Variants in TBC1D5 observed in about 807,000 individuals in gnomAD.
The protein encoded by TBC1D5 is TBC1 domain family, member 5.
In TBC1D5, 75 loss-of-function variants were observed where a neutral mutation model predicts 100.3. That is an observed-to-expected ratio of 0.75 (90% CI 0.62 to 0.91). The LOEUF (loss-of-function observed/expected upper bound fraction) is 0.91, where lower values mean the gene tolerates loss of function less well. TBC1D5 is among the 40% of genes least tolerant of loss of function. The probability of loss-of-function intolerance (pLI) is 0.00; values close to 1 mark genes in which losing one functional copy is unlikely to be tolerated. For missense variants in TBC1D5, 910 were observed against 942.4 expected, an observed-to-expected ratio of 0.97 and a Z score of 0.45; for synonymous variants, 323 against 325.6, an observed-to-expected ratio of 0.99 and a Z score of 0.09.
chr3:17,329,861 T>C (rs2086659266), intron 13 of TBC1D5, among the ~76,000 whole-genome samples: 2 of 152,196 alleles, frequency 1.3e-5, no homozygotes, highest in Non-Finnish European at 2.9e-5. Context: ...ACCTTGCCAA[T>C]ATCCAATCTT....
intron 18 of TBC1D5, among the ~76,000 whole-genome samples, chr3:17,211,612 C>A (rs1422905142): frequency 2.0e-5 from 3 of 152,192 alleles, no homozygotes; most frequent in African/African-American, 7.2e-5. Flanking sequence ...GAGAATTTTA[C>A]AATGTAAGTC....
chr3:17,500,212 A>G (rs929798889), intron 3 of TBC1D5, among the ~76,000 whole-genome samples: 2 of 149,594 alleles, frequency 1.3e-5, no homozygotes, highest in Non-Finnish European at 2.9e-5. Flanking sequence ...TCAATGGAAG[A>G]TTTTGAATAA....
At chr3:17,384,779 A>G (rs1484726078) in intron 8 of TBC1D5, among the ~76,000 whole-genome samples, 1 of 152,096 alleles carries the variant, frequency 6.6e-6, no homozygotes, top group African/African-American at 2.4e-5. Context: ...ATCAGAAGGA[A>G]AAGACAATTC....
At chr3:17,381,675 A>C (rs1172424282) in intron 9 of TBC1D5, among the ~76,000 whole-genome samples, 5 of 152,028 alleles carry the variant, frequency 3.3e-5, no homozygotes, top group African/African-American at 1.2e-4. Context: ...TTTTTCCCCC[A>C]GTCTCCTTTT....
intron 1 of TBC1D5, among the ~76,000 whole-genome samples, chr3:17,736,899 G>C (rs2077003598): frequency 6.6e-6 from 1 of 152,120 alleles, no homozygotes; most frequent in African/African-American, 2.4e-5. Context: ...TATAGTCCCA[G>C]CCACTCAGGA....
chr3:17,503,130 G>C (rs1285470518), intron 3 of TBC1D5, among the ~76,000 whole-genome samples: 1 of 149,638 alleles, frequency 6.7e-6, no homozygotes, highest in East Asian at 1.9e-4. Context: ...CTTCATATAA[G>C]GGAGCTTCAT....
rs1426558079 is a variant in TBC1D5, at chr3:17,692,222, G to A, written c.-101+47121C>T. ...GCCTCCTGCCTCAGCCTCCCAAGAC[G>A]GTGGGTTTACAAGCATCTGCCACCA... On this transcript the variant is annotated intron_variant, in intron 1 of 21. Coordinates refer to ENST00000253692, the Ensembl canonical transcript of TBC1D5. 2.6e-5 allele frequency among the ~76,000 whole-genome samples: 4 copies of A among 152,182 alleles called. No homozygotes were observed. The Middle Eastern group carries it at 0.01, about 388-fold the overall frequency.
chr3:17,684,878 C>T (rs2153817020), intron 1 of TBC1D5, among the ~76,000 whole-genome samples: 1 of 152,022 alleles, frequency 6.6e-6, no homozygotes, highest in South Asian at 2.1e-4. Flanking sequence ...CGTCAAGAAT[C>T]CAAATCTGAG....
chr3:17,647,794 A>G (rs1460395914), intron 1 of TBC1D5, among the ~76,000 whole-genome samples: 1 of 152,182 alleles, frequency 6.6e-6, no homozygotes, highest in South Asian at 2.1e-4. Context: ...AATCATTACA[A>G]AAGAATGACT....
intron 3 of TBC1D5, among the ~76,000 whole-genome samples, chr3:17,506,161 C>T (rs1008102971): frequency 6.6e-6 from 1 of 152,070 alleles, no homozygotes; most frequent in Non-Finnish European, 1.5e-5. Flanking sequence ...CCAGGTAAGA[C>T]ATATATTAAA....
chr3:17,550,541 A>G (rs2153448281), intron 2 of TBC1D5, among the ~76,000 whole-genome samples: 1 of 151,458 alleles, frequency 6.6e-6, no homozygotes, highest in East Asian at 1.9e-4. Flanking sequence ...AAAAACAACA[A>G]CAACAACAAA....
In TBC1D5 at chr3:17,186,710, C is replaced by CAAAAAAAAAAAAAAAAAAAAAAAAAAAAA. The variant is rs58438478; in HGVS notation, c.1753-1531_1753-1503dup. Among the ~76,000 whole-genome samples the CAAAAAAAAAAAAAAAAAAAAAAAAAAAAA allele has an allele frequency of 3.7e-4, 10 of 27,282 alleles. 2 individuals carry two copies. The highest frequency in any genetic ancestry group is 4.7e-4 in the Non-Finnish European group (7 of 14,786). The allele number at this position is 27,282 out of a possible 152,430, so 17.9% of individuals were successfully genotyped here. ...GGGCGACAGAGCAAAACTCTATCTCCAAAAAAAAAAAAAAAAAAAAAAAAA... is the reference window on the plus strand; with the variant it reads ...GGGCGACAGAGCAAAACTCTATCTCCAAAAAAAAAAAAAAAAAAAAAAAAAAAAAAAAAAAAAAAAAAAAAAAAAAAAAA... On this transcript the variant is annotated intron_variant, in intron 18 of 21. Coordinates refer to ENST00000253692, the Ensembl canonical transcript of TBC1D5.
chr3:17,435,522 G>T (rs58777809), intron 3 of TBC1D5, among the ~76,000 whole-genome samples: 11,357 of 152,198 alleles, frequency 0.075, 1,324 homozygotes, highest in African/African-American at 0.25. Context: ...AAGCCCCTTA[G>T]AAACCATCAG....
intron 17 of TBC1D5, among the ~76,000 whole-genome samples, chr3:17,224,192 G>A (rs1193311235): frequency 6.6e-6 from 1 of 152,172 alleles, no homozygotes; most frequent in Non-Finnish European, 1.5e-5. Flanking sequence ...CTAAGGGCAG[G>A]AAGTGTGGTC....
intron 1 of TBC1D5, among the ~76,000 whole-genome samples, chr3:17,640,021 GCA>G (rs1188936825): frequency 2.0e-5 from 3 of 152,114 alleles, no homozygotes; most frequent in African/African-American, 4.8e-5. Flanking sequence ...TTAGCTAAGA[GCA>G]CAGTTATACA....
intron 3 of TBC1D5, among the ~76,000 whole-genome samples, chr3:17,481,217 T>C (rs1370312860): frequency 6.6e-6 from 1 of 152,244 alleles, no homozygotes; most frequent in Non-Finnish European, 1.5e-5. Context: ...TACCGGCACC[T>C]AGGGCTGCCC....
chr3:17,214,224 T>G, exon 18 of TBC1D5: 1 of 1,611,946 alleles, frequency 6.2e-7, no homozygotes, highest in Non-Finnish European at 8.5e-7. Flanking sequence ...TTTCTGCCCA[T>G]AGTTTTGCTG....
intron 1 of TBC1D5, among the ~76,000 whole-genome samples, chr3:17,663,390 TAATA>T (rs1037913971): frequency 2.0e-5 from 3 of 151,924 alleles, no homozygotes; most frequent in African/African-American, 7.2e-5. Flanking sequence ...AGACTGATCT[TAATA>T]TATAATATAG....
At chr3:17,485,169 T>G (rs890879315) in intron 3 of TBC1D5, among the ~76,000 whole-genome samples, 5 of 152,002 alleles carry the variant, frequency 3.3e-5, no homozygotes, top group African/African-American at 1.2e-4. Context: ...AAGGAATGGG[T>G]TTATTTTTTT....
Sources: gnomAD v4.1 joint callset for allele counts (sites outside exome capture counted in the v4.1 genomes callset) on GRCh38, gnomAD v4.1.1 for gene constraint, MANE v1.5 for transcripts, NCBI Gene and HGNC (gene_info 2026-07-23, HGNC 2026-07-21) for gene names.